The following TGFB2 variants were observed in gnomAD, a reference collection of about 807,000 sequenced individuals.
The protein encoded by TGFB2 is transforming growth factor beta-2 proprotein.
In TGFB2, 13 loss-of-function variants were observed where a neutral mutation model predicts 42.7. That is an observed-to-expected ratio of 0.30 (90% CI 0.20 to 0.48). The LOEUF (loss-of-function observed/expected upper bound fraction) is 0.48, where lower values mean the gene tolerates loss of function less well. Ranked by LOEUF, TGFB2 falls within the 20% of genes least tolerant of loss-of-function variation. The pLI, the probability that TGFB2 is intolerant of heterozygous loss-of-function variation, is 0.99. For synonymous variants in TGFB2, 193 were observed against 193.6 expected (o/e 1.00, Z 0.03); for missense variants, 390 against 517.5 (o/e 0.75, Z 2.39).
At chr1:218,367,912 C>T (rs1657438795) in intron 1 of TGFB2, among the ~76,000 whole-genome samples, 1 of 152,150 alleles carries the variant, frequency 6.6e-6, no homozygotes, top group Admixed American at 6.5e-5. Flanking sequence ...AAGCAATTCT[C>T]CTGCCTCAGC....
At chr1:218,358,731 A>C (rs1657117908) in intron 1 of TGFB2, among the ~76,000 whole-genome samples, 1 of 151,618 alleles carries the variant, frequency 6.6e-6, no homozygotes. Context: ...TTTAGTAGAG[A>C]CGGGGTTTCA....
chr1:218,418,016 G>A lies in TGFB2; in HGVS notation c.510+12684G>A, dbSNP rs192330796. On this transcript the variant is annotated intron_variant, in intron 2 of 6. Transcript: ENST00000366930. ...ACCTCTGCTAGGGCAGTGCAGAAGC[G>A]AAATATGGAGTTGGAGCCCCCACAC... Among the ~76,000 whole-genome samples, 45 of 152,358 alleles carry A rather than the reference G, an allele frequency of 3.0e-4. No individual in the cohort carries two copies. The East Asian group carries it at 6.6e-3, about 22-fold the overall frequency.
intron 1 of TGFB2, among the ~76,000 whole-genome samples, chr1:218,396,070 AT>A (rs1658499581): frequency 6.6e-6 from 1 of 152,158 alleles, no homozygotes; most frequent in African/African-American, 2.4e-5. Context: ...TAGGATGGAC[AT>A]TTTTCATTCC....
chr1:218,371,817 C>T (rs1450348567), intron 1 of TGFB2, among the ~76,000 whole-genome samples: 3 of 152,180 alleles, frequency 2.0e-5, no homozygotes, highest in Non-Finnish European at 2.9e-5. Flanking sequence ...CTGTCTTGTG[C>T]GAGTTCCATG....
intron 2 of TGFB2, among the ~76,000 whole-genome samples, chr1:218,429,017 G>C (rs1197157111): frequency 1.7e-5 from 2 of 118,572 alleles, no homozygotes; most frequent in Non-Finnish European, 3.2e-5. Flanking sequence ...GTCTTGCTCT[G>C]TCAGCCAGGC....
chr1:218,437,957 A>G (rs1050056541), intron 6 of TGFB2, among the ~76,000 whole-genome samples: 7 of 152,222 alleles, frequency 4.6e-5, no homozygotes, highest in African/African-American at 1.7e-4. Flanking sequence ...CATTGCCTCA[A>G]AAATTTATCA....
intron 2 of TGFB2, among the ~76,000 whole-genome samples, chr1:218,422,639 C>T (rs570234345): frequency 6.6e-6 from 1 of 152,118 alleles, no homozygotes; most frequent in Non-Finnish European, 1.5e-5. Context: ...GGAAATCTTC[C>T]CTGACCTCAT....
At position 218,346,273 on chromosome 1, in the gene TGFB2, C is replaced by G. The variant is rs1656673212; in HGVS notation, c.-429C>G. ...GTTCGCCAGCTGCCAGCCCCGGGAC[C>G]TTTTCATCTCTTCCCTTTTGGCCGG... On this transcript the variant is annotated 5_prime_UTR_variant, in exon 1 of 7. Coordinates refer to ENST00000366930, the MANE Select transcript of TGFB2 (RefSeq NM_003238.6). The surrounding 1 kb of genome is among the most constrained non-coding windows in gnomAD (Gnocchi z 4.9). 6.3e-6 allele frequency: 1 copy of G among 158,492 alleles called. No homozygotes were observed. Among genetic ancestry groups the G allele is most frequent in the Admixed American group, 6.5e-5 (1 of 15,362 alleles). 9.8% of individuals were successfully genotyped at this position (158,492 alleles called of 1,614,324 possible).
At chr1:218,347,675 A>G (rs749073741) in intron 1 of TGFB2, among the ~76,000 whole-genome samples, 1 of 152,164 alleles carries the variant, frequency 6.6e-6, no homozygotes, top group Admixed American at 6.5e-5. Flanking sequence ...TAGGTGTTTC[A>G]TTACCCAAAG....
chr1:218,405,472 C>T lies in TGFB2; in HGVS notation c.510+140C>T, dbSNP rs775734490. On this transcript the variant is annotated intron_variant, in intron 2 of 6. Coordinates refer to ENST00000366930, the MANE Select transcript of TGFB2 (RefSeq NM_003238.6). The stretch of plus-strand genomic sequence containing the variant: ...CTTGAACTCCTGGGTTCAAACGATC[C>T]GCTTGCCTCAGCCTCCCTAGTCAAT... The T allele has an allele frequency of 2.3e-5, 34 of 1,453,020 alleles. 1 individual carries two copies. Among genetic ancestry groups the T allele is most frequent in the South Asian group, 1.8e-4 (15 of 84,914 alleles). The allele number at this position is 1,453,020 out of a possible 1,614,324, so 90.0% of individuals were successfully genotyped here.
At chr1:218,402,988 G>A (rs951461079) in intron 1 of TGFB2, among the ~76,000 whole-genome samples, 1 of 152,100 alleles carries the variant, frequency 6.6e-6, no homozygotes. Context: ...TCATGGGGGC[G>A]GGCATATTCC....
At chr1:218,364,588 G>T (rs979573267) in intron 1 of TGFB2, among the ~76,000 whole-genome samples, 2 of 152,116 alleles carry the variant, frequency 1.3e-5, no homozygotes, top group Non-Finnish European at 2.9e-5. Flanking sequence ...TCTAAGTGTG[G>T]GTGGAGGTCC....
chr1:218,357,229 A>G (rs899886188), intron 1 of TGFB2, among the ~76,000 whole-genome samples: 7 of 152,004 alleles, frequency 4.6e-5, no homozygotes, highest in South Asian at 2.1e-4. Flanking sequence ...GAAAAAAAAA[A>G]AAAAAGAAAT....
At chr1:218,360,768 T>C (rs1045267129) in intron 1 of TGFB2, among the ~76,000 whole-genome samples, 1 of 152,232 alleles carries the variant, frequency 6.6e-6, no homozygotes, top group African/African-American at 2.4e-5. Flanking sequence ...TACAAAGCCT[T>C]TTCGCATATA....
At chr1:218,399,101 CT>C (rs1466164261) in intron 1 of TGFB2, among the ~76,000 whole-genome samples, 2 of 152,144 alleles carry the variant, frequency 1.3e-5, no homozygotes, top group African/African-American at 4.8e-5. Context: ...GTTGCCCAGG[CT>C]GGTCTCAAAC....
chr1:218,396,203 T>C lies in TGFB2; in HGVS notation c.347-8966T>C, dbSNP rs894610615. Among the ~76,000 whole-genome samples, 6 of 152,242 alleles carry C rather than the reference T, an allele frequency of 3.9e-5. No homozygotes were observed. The East Asian group carries it at 9.6e-4, about 24-fold the overall frequency. On this transcript the variant is annotated intron_variant, in intron 1 of 6. Transcript: ENST00000366930. ...TTGAGTGTAAAAAAGAATTGCCTAC[T>C]ATTCACCCAGTAGATCTAATATGGA... is the stretch of plus-strand genomic sequence containing the variant.
chr1:218,376,597 C>T (rs776875831), intron 1 of TGFB2, among the ~76,000 whole-genome samples: 3 of 152,106 alleles, frequency 2.0e-5, no homozygotes, highest in South Asian at 2.1e-4. Context: ...TCCATAGCAC[C>T]GGGCAAGTTC....
At chr1:218,386,114 T>A (rs1658127080) in intron 1 of TGFB2, among the ~76,000 whole-genome samples, 1 of 152,112 alleles carries the variant, frequency 6.6e-6, no homozygotes. Context: ...CCCCACCCCA[T>A]CCTTTAAGTA....
chr1:218,348,504 G>A (rs187246899), intron 1 of TGFB2, among the ~76,000 whole-genome samples: 5 of 152,298 alleles, frequency 3.3e-5, no homozygotes, highest in Admixed American at 6.5e-5. Context: ...TTTTGCTGCA[G>A]TTTCTCCTGT....
Sources: gnomAD v4.1 joint callset for allele counts (sites outside exome capture counted in the v4.1 genomes callset) on GRCh38, gnomAD v4.1.1 for gene constraint, Gnocchi (gnomAD v3.1) non-coding constraint, MANE v1.5 for transcripts, NCBI Gene and HGNC (gene_info 2026-07-23, HGNC 2026-07-21) for gene names.